Variants in MBNL1 observed in about 807,000 individuals in gnomAD.
MBNL1 encodes muscleblind-like protein 1.
Under a neutral mutation model 42.2 loss-of-function variants are expected in MBNL1, and 8 were observed. The ratio of observed to expected loss-of-function variants is 0.19; its 90% CI spans 0.11 to 0.34. MBNL1 has a LOEUF of 0.34. Among genes scored for constraint, MBNL1 ranks in the 10% least tolerant of loss-of-function variants. MBNL1 has a pLI of 1.00. For missense variants in MBNL1, 309 were observed against 495.3 expected (o/e 0.62, Z 3.57); for synonymous variants, 169 against 173.9 (o/e 0.97, Z 0.22).
chr3:152,438,199 A>C (rs2099104160), intron 4 of MBNL1, among the ~76,000 whole-genome samples: 1 of 152,224 alleles, frequency 6.6e-6, no homozygotes, highest in Admixed American at 6.5e-5. Flanking sequence ...TTACTGAACG[A>C]TATTCAGTAG....
At chr3:152,252,882 C>T (rs1367698674) in intron 2 of MBNL1, among the ~76,000 whole-genome samples, 2 of 152,162 alleles carry the variant, frequency 1.3e-5, no homozygotes, top group African/African-American at 4.8e-5. Flanking sequence ...CCCAGTACTT[C>T]CCTATATTCT....
intron 2 of MBNL1, among the ~76,000 whole-genome samples, chr3:152,246,042 C>A (rs1411847847): frequency 6.6e-6 from 1 of 152,066 alleles, no homozygotes; most frequent in Non-Finnish European, 1.5e-5. Flanking sequence ...TGTGATTGCA[C>A]CACTACACTC....
At chr3:152,437,433 A>T (rs2099093557) in intron 4 of MBNL1, among the ~76,000 whole-genome samples, 1 of 152,186 alleles carries the variant, frequency 6.6e-6, no homozygotes, top group African/African-American at 2.4e-5. Context: ...ACTGCATGTG[A>T]TGTTGCTAAT....
chr3:152,285,715 C>T (rs1458595399), intron 1 of MBNL1, among the ~76,000 whole-genome samples: 4 of 150,148 alleles, frequency 2.7e-5, no homozygotes, highest in African/African-American at 9.8e-5. Flanking sequence ...TGTGGCCTCC[C>T]GGGCTCAAAC....
At chr3:152,404,657 T>C (rs1190903275) in intron 2 of MBNL1, among the ~76,000 whole-genome samples, 1 of 151,710 alleles carries the variant, frequency 6.6e-6, no homozygotes, top group African/African-American at 2.4e-5. Context: ...TCTAACTTTA[T>C]ATCTTTAATT....
intron 2 of MBNL1, among the ~76,000 whole-genome samples, chr3:152,381,559 A>G (rs1341065587): frequency 6.6e-6 from 1 of 151,998 alleles, no homozygotes; most frequent in Non-Finnish European, 1.5e-5. Flanking sequence ...GTTTCCTGGA[A>G]AATCATTTGT....
chr3:152,425,877 A>G (rs965372692), intron 3 of MBNL1, among the ~76,000 whole-genome samples: 2 of 152,220 alleles, frequency 1.3e-5, no homozygotes, highest in Non-Finnish European at 2.9e-5. Flanking sequence ...AAATCATTCT[A>G]CTATAAAGAC....
At chr3:152,407,047 C>CTGTG (rs373321399) in intron 2 of MBNL1, among the ~76,000 whole-genome samples, 1,054 of 67,668 alleles carry the variant, frequency 0.016, 4 homozygotes, top group Admixed American at 0.022. Flanking sequence ...TGTTAAGCCA[C>CTGTG]TGTGTGTGTG....
rs1235189825 is a variant in MBNL1, at chr3:152,300,286, C to T, written c.93C>T (p.Asp31=). Residue 31 remains aspartate (D), a synonymous_variant, in exon 2 of 10, where the codon GAC becomes GAT. Transcript: ENST00000324210. ...AGAGGGGGACTTGCTCACGGCCAGACACGGAATGTAAATTTGCACATCCTT... is the reference window on the plus strand; with the variant it reads ...AGAGGGGGACTTGCTCACGGCCAGATACGGAATGTAAATTTGCACATCCTT... ...EFQRGTCSRP[D]TECKFAHPSK... The T allele has an allele frequency of 5.0e-6, 8 of 1,613,858 alleles. No individual in the cohort carries two copies. The highest frequency in any genetic ancestry group is 2.2e-5 in the East Asian group (1 of 44,882).
At chr3:152,273,568 C>A (rs934976987) in intron 1 of MBNL1, among the ~76,000 whole-genome samples, 1 of 152,012 alleles carries the variant, frequency 6.6e-6, no homozygotes, top group African/African-American at 2.4e-5. Flanking sequence ...ACATTTGGTT[C>A]TTTTTCTACT....
chr3:152,416,367 A>G (rs2098702338), intron 3 of MBNL1, among the ~76,000 whole-genome samples: 1 of 152,170 alleles, frequency 6.6e-6, no homozygotes, highest in African/African-American at 2.4e-5. Context: ...GATAGCTTAA[A>G]GTTATTTTTG....
intron 2 of MBNL1, among the ~76,000 whole-genome samples, chr3:152,252,302 TC>T (rs2034756280): frequency 7.4e-6 from 1 of 135,192 alleles, no homozygotes; most frequent in African/African-American, 2.7e-5. Flanking sequence ...CCTTTGTTCC[TC>T]CCTCTCTCTT....
chr3:152,286,008 T>C (rs1444754570), intron 1 of MBNL1, among the ~76,000 whole-genome samples: 1 of 151,912 alleles, frequency 6.6e-6, no homozygotes, highest in Non-Finnish European at 1.5e-5. Context: ...TCAGTACATG[T>C]ATAGAATGTA....
chr3:152,382,054 T>C (rs1386401366), intron 2 of MBNL1, among the ~76,000 whole-genome samples: 1 of 152,044 alleles, frequency 6.6e-6, no homozygotes, highest in Non-Finnish European at 1.5e-5. Context: ...TAACATACTC[T>C]TTAGTTACCC....
chr3:152,380,237 C>T (rs978322931), intron 2 of MBNL1, among the ~76,000 whole-genome samples: 1 of 152,070 alleles, frequency 6.6e-6, no homozygotes, highest in African/African-American at 2.4e-5. Flanking sequence ...CAGAATTTAA[C>T]ATTAACAGTT....
At chr3:152,340,625 A>G in intron 2 of MBNL1, 1 of 1,614,032 alleles carries the variant, frequency 6.2e-7, no homozygotes, top group Non-Finnish European at 8.5e-7. Flanking sequence ...AGGCACCTGC[A>G]ACTAAACCCA....
intron 2 of MBNL1, among the ~76,000 whole-genome samples, chr3:152,385,177 T>A (rs993402379): frequency 2.6e-5 from 4 of 152,056 alleles, no homozygotes; most frequent in Non-Finnish European, 5.9e-5. Context: ...TTAAATGAAG[T>A]TTGAGATTTT....
intron 2 of MBNL1, among the ~76,000 whole-genome samples, chr3:152,254,825 T>A (rs1256125282): frequency 2.0e-5 from 3 of 152,138 alleles, no homozygotes; most frequent in African/African-American, 7.2e-5. Flanking sequence ...ATTAACGAAT[T>A]TAATGCCCTC....
At chr3:152,255,503 G>A (rs567863141) in intron 2 of MBNL1, among the ~76,000 whole-genome samples, 147 of 152,062 alleles carry the variant, frequency 9.7e-4, no homozygotes, top group African/African-American at 3.4e-3. Flanking sequence ...CTTGCAAGAA[G>A]CTCTGTTTTC....
Sources: gnomAD v4.1 joint callset for allele counts (sites outside exome capture counted in the v4.1 genomes callset) on GRCh38, gnomAD v4.1.1 for gene constraint, MANE v1.5 for transcripts, NCBI Gene and HGNC (gene_info 2026-07-23, HGNC 2026-07-21) for gene names.